ELN: variants seen among roughly 807,000 people sequenced by gnomAD.
ELN encodes tropoelastin.
ELN carries 65 observed loss-of-function variants against 105.8 expected under a neutral mutation model. The observed-to-expected ratio is 0.61, with a 90% CI of 0.50 to 0.75. The LOEUF is 0.75. Ranked by LOEUF, ELN falls within the 30% of genes least tolerant of loss-of-function variation. The pLI is 0.00. For missense variants in ELN, 882 were observed against 969.4 expected (o/e 0.91, Z 1.20); for synonymous variants, 368 against 389.2 (o/e 0.95, Z 0.64).
Position 74,055,732 on chromosome 7 carries a change from G to A in ELN, c.1151-539G>A, listed in dbSNP as rs534657710. Among the ~76,000 whole-genome samples, 14 of 150,458 alleles carry A rather than the reference G, an allele frequency of 9.3e-5. No individual in the cohort carries two copies. In the South Asian group the frequency reaches 1.1e-3, roughly 11 times the overall value. ...TGGACTCAAATGATCCACCTGCCTC[G>A]TGGATCCCAAAGTGCTGGGATTATG... On this transcript the variant is annotated intron_variant, in intron 19 of 32. Transcript: ENST00000252034.
intron 1 of ELN, among the ~76,000 whole-genome samples, chr7:74,029,334 T>C (rs1412379463): frequency 6.6e-6 from 1 of 152,096 alleles, no homozygotes; most frequent in Non-Finnish European, 1.5e-5. Context: ...TGCTGGGCCA[T>C]CTGCTATGTG....
chr7:74,038,158 T>C (rs1252781613), intron 4 of ELN: 1 of 315,616 alleles, frequency 3.2e-6, no homozygotes, highest in African/African-American at 2.2e-5. Context: ...CCCTGAGTGG[T>C]CCCCTAGCCC....
intron 22 of ELN, chr7:74,059,609 G>A (rs1353580985): frequency 2.9e-5 from 16 of 548,546 alleles, no homozygotes; most frequent in African/African-American, 1.1e-4. Context: ...ACTTGAACTC[G>A]GGAGGTGGTG....
Position 74,042,631 on chromosome 7 carries a change from G to A in ELN, c.250G>A (p.Ala84Thr), listed in dbSNP as rs369246451. 27 of 1,613,312 alleles carry A rather than the reference G, an allele frequency of 1.7e-5. No individual in the cohort carries two copies. Among genetic ancestry groups the A allele is most frequent in the Non-Finnish European group, 2.2e-5 (26 of 1,180,000 alleles). The change falls in exon 6 of 33, where the codon GCA becomes ACA. Residue 84 changes from alanine (A) to threonine (T), a missense_variant. Physicochemically the swap from Ala to Thr is moderately conservative, Grantham distance 58. Coordinates refer to ENST00000252034, the MANE Select transcript of ELN (RefSeq NM_000501.4). ...GLGAGLGAFP[A>T]VTFPGALVPG... ...CTCCGCAGGGCTCGGCGCCTTCCCC[G>A]CAGTTACCTTTCCGGGGGCTCTGGT...
At position 74,052,012 on chromosome 7, in the gene ELN, C is replaced by T. The variant is rs573933307; in HGVS notation, c.949+29C>T. On this transcript the variant is annotated intron_variant, in intron 17 of 32. Transcript: ENST00000252034. Reference sequence around the variant, plus strand: ...AGTGCCTCCCGGGGTGGCAAGTCCACGGCTCGGGCCCCTGCATAGACCTCG... The same window carrying T: ...AGTGCCTCCCGGGGTGGCAAGTCCATGGCTCGGGCCCCTGCATAGACCTCG... The T allele has an allele frequency of 4.8e-5, 77 of 1,611,758 alleles. 1 individual carries two copies. In the South Asian group the frequency reaches 6.7e-4, roughly 14 times the overall value.
chr7:74,047,728 CCTTCTAGACTGTGGG>C lies in ELN; in HGVS notation c.685+17_685+31del. The C allele has an allele frequency of 6.2e-7, 1 of 1,614,096 alleles. No individual in the cohort carries two copies. Among genetic ancestry groups the C allele is most frequent in the Non-Finnish European group, 8.5e-7 (1 of 1,179,984 alleles). ...GAAACTGCCCTATGGTGAGTGAGAC[CCTTCTAGACTGTGGG>C]CTTCCAGCTCTTTCCCTCTCCAGGG... On this transcript the variant is annotated intron_variant, in intron 13 of 32. Coordinates refer to ENST00000252034, the MANE Select transcript of ELN (RefSeq NM_000501.4).
chr7:74,040,766 G>T (rs1554668031), intron 4 of ELN, among the ~76,000 whole-genome samples: 1 of 152,174 alleles, frequency 6.6e-6, no homozygotes, highest in Non-Finnish European at 1.5e-5. Flanking sequence ...TGCAGGGCAG[G>T]CTGGATGGAA....
chr7:74,032,137 ATT>A (rs1335252644), intron 1 of ELN, among the ~76,000 whole-genome samples: 18 of 152,320 alleles, frequency 1.2e-4, no homozygotes, highest in African/African-American at 3.8e-4. Flanking sequence ...CCAGAAGACT[ATT>A]ATGATCCCTG....
chr7:74,046,358 G>A (rs1792525387), intron 11 of ELN, 141 bp downstream of exon 11: 2 of 1,193,154 alleles, frequency 1.7e-6, no homozygotes, highest in Admixed American at 1.9e-5. Flanking sequence ...AGTGGCTGTA[G>A]CACAAAGTGG....
intron 29 of ELN, among the ~76,000 whole-genome samples, chr7:74,064,185 G>A (rs1439549420): frequency 1.2e-4 from 18 of 151,680 alleles, no homozygotes; most frequent in African/African-American, 3.6e-4. Context: ...TTGGGAGGCT[G>A]AGGTGGGCAG....
rs369246451 is a variant in ELN at position 74,042,631 on chromosome 7, G to T, written c.250G>T (p.Ala84Ser). The change falls in exon 6 of 33, where the codon GCA becomes TCA. Residue 84 changes from alanine (A) to serine (S), a missense_variant. Transcript: ENST00000252034. ...CTCCGCAGGGCTCGGCGCCTTCCCC[G>T]CAGTTACCTTTCCGGGGGCTCTGGT... ...GLGAGLGAFP[A>S]VTFPGALVPG... is the part of the protein sequence containing the mutation. The T allele has an allele frequency of 5.0e-6, 8 of 1,613,312 alleles. No individual in the cohort carries two copies. In the African/African-American group the frequency reaches 8.0e-5, roughly 16 times the overall value.
intron 11 of ELN, 117 bp from the exon 12 acceptor site, chr7:74,046,579 C>T: frequency 9.1e-7 from 1 of 1,094,100 alleles, no homozygotes; most frequent in South Asian, 1.3e-5. Context: ...TCCCTCGAAG[C>T]AGGATGGTTT....
chr7:74,038,179 A>G (rs546021470), intron 4 of ELN: 22 of 283,338 alleles, frequency 7.8e-5, no homozygotes, highest in East Asian at 6.1e-4. Flanking sequence ...TTGACCCCAG[A>G]CCAATACCCC....
chr7:74,053,690 A>G lies in ELN; in HGVS notation c.1096+381A>G, dbSNP rs1794618570. Among the ~76,000 whole-genome samples, 5 of 139,256 alleles carry G rather than the reference A, an allele frequency of 3.6e-5. No homozygotes were observed. In the South Asian group the frequency reaches 1.0e-3, roughly 29 times the overall value. 91.4% of individuals were successfully genotyped at this position (139,256 alleles called of 152,430 possible). On this transcript the variant is annotated intron_variant, in intron 18 of 32. Coordinates refer to ENST00000252034, the MANE Select transcript of ELN (RefSeq NM_000501.4). ...TGGGTGGATGAATGAATGGATGGAT[A>G]GATGGGTGGGTGGATGGATGGATGG...
intron 1 of ELN, among the ~76,000 whole-genome samples, chr7:74,030,644 C>A (rs1374027386): frequency 1.3e-5 from 2 of 151,794 alleles, no homozygotes; most frequent in South Asian, 2.1e-4. Flanking sequence ...GTGATCCTCC[C>A]ACCTCCGCCT....
chr7:74,060,791 C>G (rs1396013041), intron 25 of ELN, among the ~76,000 whole-genome samples: 1 of 152,342 alleles, frequency 6.6e-6, no homozygotes, highest in African/African-American at 2.4e-5. Flanking sequence ...GGTAGATCAG[C>G]CTGGCTCCCC....
At chr7:74,048,238 C>G (rs370002751) in intron 14 of ELN, 37 bp downstream of exon 14, 10 of 1,613,400 alleles carry the variant, frequency 6.2e-6, no homozygotes, top group Non-Finnish European at 8.5e-6. Flanking sequence ...GCCAAGGGAG[C>G]ACTGATCTTC....
rs369548102 is a variant in ELN at position 74,060,581 on chromosome 7, C to T, written c.1747+80C>T. On this transcript the variant is annotated intron_variant, in intron 25 of 32. Transcript: ENST00000252034. ...CCTCCTCCTCTCAGCACCTCCCCAG[C>T]ACCCCCTCATCACCCAGGGGTGCAT... 1.2e-4 allele frequency: 195 copies of T among 1,605,790 alleles called. 1 individual carries two copies. In the South Asian group the frequency reaches 2.1e-3, roughly 17 times the overall value.
In ELN at chr7:74,054,721, G is replaced by A. The variant is rs1554678454; in HGVS notation, c.1102G>A (p.Val368Met). Reference protein sequence around the residue: ...GIPGAAVPGVVSPEAAAKAAA... With the variant: ...GIPGAAVPGVMSPEAAAKAAA... ...GTCCCTTTTGGTCTCTCCAGGGGTT[G>A]TGTCACCAGAAGCAGCTGCTAAGGC... is the stretch of plus-strand genomic sequence containing the variant. Residue 368 changes from valine to methionine, a missense_variant, in exon 19 of 33, where the codon GTG (valine) becomes ATG (methionine). By Grantham distance (21) the Val-to-Met change is conservative. Transcript: ENST00000252034. 6.2e-7 allele frequency: 1 copy of A among 1,614,216 alleles called. No homozygotes were observed. Among genetic ancestry groups the A allele is most frequent in the African/African-American group, 1.3e-5 (1 of 75,056 alleles).
Sources: allele counts gnomAD v4.1 joint callset (sites outside exome capture counted in the v4.1 genomes callset), GRCh38; gene constraint gnomAD v4.1.1; transcripts MANE v1.5; gene names NCBI Gene and HGNC (gene_info 2026-07-23, HGNC 2026-07-21).